MYO18B: variants seen among roughly 807,000 people sequenced by gnomAD.
The protein encoded by MYO18B is unconventional myosin-XVIIIb.
A neutral mutation model predicts 273.0 loss-of-function variants in MYO18B; 204 were observed. The observed-to-expected ratio is 0.75, with a 90% CI of 0.67 to 0.84. The LOEUF (loss-of-function observed/expected upper bound fraction) is 0.84, where lower values mean the gene tolerates loss of function less well. Ranked by LOEUF, MYO18B falls within the 40% of genes least tolerant of loss-of-function variation. MYO18B has a pLI of 0.00. For synonymous variants in MYO18B, 1,330 were observed against 1,305.7 expected, an observed-to-expected ratio of 1.02 and a Z score of -0.40; for missense variants, 3,212 against 3,287.6, an observed-to-expected ratio of 0.98 and a Z score of 0.56.
At chr22:25,804,161 A>G (rs1476892151) in intron 12 of MYO18B, among the ~76,000 whole-genome samples, 2 of 152,142 alleles carry the variant, frequency 1.3e-5, no homozygotes, top group Non-Finnish European at 2.9e-5. Flanking sequence ...TACAAATCCC[A>G]TTTTGGGTTT....
intron 34 of MYO18B, among the ~76,000 whole-genome samples, chr22:25,928,346 T>C (rs886197890): frequency 4.6e-4 from 69 of 150,992 alleles, no homozygotes; most frequent in African/African-American, 1.7e-3. Context: ...GGGAGGTCTT[T>C]TTCTCTGAGC....
rs1202806277 is a variant in MYO18B, at chr22:25,980,749, G to A, written c.6157-11614G>A. ...AAAAGCAAAGCAACGGTGTTTAAAA[G>A]AGAAAGAAAAGAGCACGTGGTGTTG... On this transcript the variant is annotated intron_variant, in intron 39 of 43. Transcript: ENST00000335473. Among the ~76,000 whole-genome samples the A allele has an allele frequency of 2.0e-5, 3 of 152,184 alleles. No homozygotes were observed. The East Asian group carries it at 5.8e-4, about 29-fold the overall frequency.
intron 42 of MYO18B, 80 bp from the exon 43 acceptor site, chr22:26,026,365 G>A: frequency 4.1e-6 from 6 of 1,471,344 alleles, no homozygotes; most frequent in South Asian, 2.7e-5. Context: ...TAGTGCCTGT[G>A]CTTAGGGGCT....
intron 21 of MYO18B, among the ~76,000 whole-genome samples, chr22:25,858,636 TG>T (rs1316178990): frequency 6.6e-6 from 1 of 151,766 alleles, no homozygotes; most frequent in Non-Finnish European, 1.5e-5. Flanking sequence ...ACTCTGTAAG[TG>T]GGGGCTGTGG....
chr22:26,051,376 A>G, the MYO18B span, among the ~76,000 whole-genome samples: 1 of 151,642 alleles, frequency 6.6e-6, no homozygotes, highest in Non-Finnish European at 1.5e-5. Context: ...GGCGCCCACC[A>G]CCGCGCCCGG....
intron 2 of MYO18B, among the ~76,000 whole-genome samples, chr22:25,761,824 G>A (rs1232310840): frequency 2.0e-5 from 3 of 152,066 alleles, no homozygotes; most frequent in African/African-American, 7.2e-5. Flanking sequence ...TGCAGAGGGT[G>A]CCTTAAGACT....
intron 11 of MYO18B, among the ~76,000 whole-genome samples, chr22:25,795,478 T>TA (rs1178161567): frequency 6.6e-6 from 1 of 152,302 alleles, no homozygotes; most frequent in East Asian, 1.9e-4. Context: ...AGCTACCTGG[T>TA]AGATGGTGGA....
intron 18 of MYO18B, among the ~76,000 whole-genome samples, chr22:25,845,094 A>G (rs2090194788): frequency 6.6e-6 from 1 of 152,210 alleles, no homozygotes; most frequent in African/African-American, 2.4e-5. Flanking sequence ...TGAGGTTCCA[A>G]AGCTCCCATG....
At chr22:25,787,736 C>T (rs2087463235) in intron 11 of MYO18B, among the ~76,000 whole-genome samples, 1 of 152,030 alleles carries the variant, frequency 6.6e-6, no homozygotes, top group African/African-American at 2.4e-5. Context: ...AAACCAAATA[C>T]TAGGGGGGCA....
Position 25,833,045 on chromosome 22 carries a change from T to C in MYO18B, c.3060+48T>C, listed in dbSNP as rs2089770948. ...CAGGCTCTCAGATGCCAGTTGGCCA[T>C]ATTGAAATGCTGGTGGATTTGAGTC... On this transcript the variant is annotated intron_variant, in intron 16 of 43. Transcript: ENST00000335473. 3 of 1,536,970 alleles carry C rather than the reference T, an allele frequency of 2.0e-6. No homozygotes were observed. The African/African-American group carries it at 4.1e-5, about 21-fold the overall frequency.
At position 25,954,859 on chromosome 22, in the gene MYO18B, G is replaced by A. The variant is rs1393811037; in HGVS notation, c.5971-320G>A. ...CCCAAGTAGCAGGGATTACAGGCAT[G>A]CGCCACCACGCCCGGCTAATTTTTG... On this transcript the variant is annotated intron_variant, in intron 38 of 43. Coordinates refer to ENST00000335473, the MANE Select transcript of MYO18B (RefSeq NM_032608.7). Among the ~76,000 whole-genome samples, 3 of 152,064 alleles carry A rather than the reference G, an allele frequency of 2.0e-5. No homozygotes were observed. The East Asian group carries it at 5.8e-4, about 29-fold the overall frequency.
intron 3 of MYO18B, among the ~76,000 whole-genome samples, chr22:25,766,574 A>G (rs2086513936): frequency 6.6e-6 from 1 of 152,150 alleles, no homozygotes; most frequent in African/African-American, 2.4e-5. Context: ...GAGAGGAGAT[A>G]GAAGAGATAT....
Position 25,823,895 on chromosome 22 carries a change from G to A in MYO18B, c.2695+217G>A, listed in dbSNP as rs149138403. On this transcript the variant is annotated intron_variant, in intron 13 of 43. Transcript: ENST00000335473. ...CCATTCAGTGGCCATGAAGGCTGCTGAAACCTGGCAGGGAGCCCCGCGCTG... is the reference window on the plus strand; with the variant it reads ...CCATTCAGTGGCCATGAAGGCTGCTAAAACCTGGCAGGGAGCCCCGCGCTG... 7.9e-5 allele frequency among the ~76,000 whole-genome samples: 12 copies of A among 152,344 alleles called. No homozygotes were observed. In the East Asian group the frequency reaches 2.1e-3, roughly 27 times the overall value.
chr22:25,989,696 G>A (rs544002268), intron 39 of MYO18B, among the ~76,000 whole-genome samples: 2 of 149,310 alleles, frequency 1.3e-5, no homozygotes, highest in Non-Finnish European at 3.0e-5. Context: ...TACTTGGGAG[G>A]CTGAGGCAGG....
intron 40 of MYO18B, among the ~76,000 whole-genome samples, chr22:25,997,978 C>CACACACACACACACGAGAGAGAGAGAGA (rs34431605): frequency 6.9e-5 from 10 of 144,642 alleles, no homozygotes; most frequent in East Asian, 2.0e-4. Flanking sequence ...CACACACACA[C>CACACACACACACACGAGAGAGAGAGAGA]GAGAGAGAGA....
Position 25,914,686 on chromosome 22 carries a change from CTTTTTTTTTTTTT to C in MYO18B, c.5364+3652_5364+3664del, listed in dbSNP as rs3070566. Among the ~76,000 whole-genome samples the C allele has an allele frequency of 1.1e-3, 57 of 50,852 alleles. 2 individuals carry two copies. Among genetic ancestry groups the C allele is most frequent in the African/African-American group, 4.1e-3 (48 of 11,800 alleles). The allele number at this position is 50,852 out of a possible 152,430, so 33.4% of individuals were successfully genotyped here. The stretch of plus-strand genomic sequence containing the variant: ...TTTGAAAATAAGAATAGTTTTGACT[CTTTTTTTTTTTTT>C]TTTTTTTTTTTTTTTGAGATGGAGT... On this transcript the variant is annotated intron_variant, in intron 33 of 43. Transcript: ENST00000335473.
chr22:25,955,375 T>C lies in MYO18B; in HGVS notation c.6156+11T>C. ...CGGTGCATGGAGCTGGTGAGTCCTG[T>C]CCCCATCATGGGCTCTTAGCGACTG... On this transcript the variant is annotated intron_variant, in intron 39 of 43. Transcript: ENST00000335473. 6.2e-7 allele frequency: 1 copy of C among 1,603,420 alleles called. No individual in the cohort carries two copies. Among genetic ancestry groups the C allele is most frequent in the Non-Finnish European group, 8.5e-7 (1 of 1,173,470 alleles).
chr22:25,763,843 A>C (rs133888), intron 3 of MYO18B, among the ~76,000 whole-genome samples: 37,484 of 152,124 alleles, frequency 0.25, 4,923 homozygotes, highest in African/African-American at 0.33. Flanking sequence ...GATTACTTGA[A>C]CACTATTTTT....
Position 26,027,176 on chromosome 22 carries a change from A to G in MYO18B, c.7202A>G (p.Lys2401Arg). Residue 2401 changes from lysine (K) to arginine (R), a missense_variant, in exon 43 of 44, where the codon AAG becomes AGG. By Grantham distance (26) the Lys-to-Arg change is conservative (BLOSUM62 2). Transcript: ENST00000335473. The surrounding 1 kb of genome is among the most constrained non-coding windows in gnomAD (Gnocchi z 4.1). Reference sequence around the variant, plus strand: ...GATGCGGGCTGTCCAGACCTTGGAAAGGAGCCGCTTGTTTTCCAGAACCGC... The same window carrying G: ...GATGCGGGCTGTCCAGACCTTGGAAGGGAGCCGCTTGTTTTCCAGAACCGC... ...VDDAGCPDLGKEPLVFQNRQF... is the reference protein window; with the variant it reads ...VDDAGCPDLGREPLVFQNRQF... 6.2e-7 allele frequency: 1 copy of G among 1,614,002 alleles called. No individual in the cohort carries two copies. Among genetic ancestry groups the G allele is most frequent in the African/African-American group, 1.3e-5 (1 of 75,048 alleles).
Sources: allele counts gnomAD v4.1 joint callset (sites outside exome capture counted in the v4.1 genomes callset), GRCh38; gene constraint gnomAD v4.1.1; non-coding constraint Gnocchi (gnomAD v3.1); transcripts MANE v1.5; gene names NCBI Gene and HGNC (gene_info 2026-07-23, HGNC 2026-07-21).